Variants in NR2F1-AS1 observed in about 807,000 individuals in gnomAD.
NR2F1-AS1 encodes the protein NR2F1 antisense RNA 1.
At chr5:93,528,498 T>C (rs1751667866) in intron 4 of NR2F1-AS1, among the ~76,000 whole-genome samples, 1 of 152,196 alleles carries the variant, frequency 6.6e-6, no homozygotes, top group Non-Finnish European at 1.5e-5. Flanking sequence ...TGGTGATTCC[T>C]CAAGGATCTA....
chr5:93,419,528 C>A (rs754593607), intron 4 of NR2F1-AS1, among the ~76,000 whole-genome samples: 43 of 152,132 alleles, frequency 2.8e-4, no homozygotes, highest in Non-Finnish European at 5.7e-4. Context: ...CTGTGAATAA[C>A]CACTGCACTC....
chr5:93,457,160 CGGGTGTCGGGCT>C (rs1400545075), intron 4 of NR2F1-AS1, among the ~76,000 whole-genome samples: 1 of 152,134 alleles, frequency 6.6e-6, no homozygotes, highest in Non-Finnish European at 1.5e-5. Context: ...AGACCCTTTA[CGGGTGTCGGGCT>C]GGGGAACGGT....
intron 2 of NR2F1-AS1, among the ~76,000 whole-genome samples, chr5:93,555,367 T>C (rs1752331407): frequency 6.6e-6 from 1 of 152,146 alleles, no homozygotes; most frequent in South Asian, 2.1e-4. Flanking sequence ...GAGAGACAAG[T>C]ACAGAAAAAG....
At chr5:93,420,508 G>A (rs1010769209) in intron 4 of NR2F1-AS1, among the ~76,000 whole-genome samples, 1 of 152,146 alleles carries the variant, frequency 6.6e-6, no homozygotes, top group Non-Finnish European at 1.5e-5. Context: ...ATGGTGAAAA[G>A]GCAGAGACTG....
intron 4 of NR2F1-AS1, among the ~76,000 whole-genome samples, chr5:93,413,563 T>C (rs1748907124): frequency 1.3e-5 from 2 of 152,190 alleles, no homozygotes; most frequent in African/African-American, 4.8e-5. Context: ...CATCAGAGAC[T>C]GCATTAGGTT....
intron 4 of NR2F1-AS1, among the ~76,000 whole-genome samples, chr5:93,414,789 GT>G (rs60491763): frequency 0.014 from 2,181 of 152,042 alleles, 59 homozygotes; most frequent in African/African-American, 0.05. Flanking sequence ...TTTATATAAG[GT>G]TTTTTTGTAA....
At chr5:93,456,319 T>A (rs1359272268) in intron 4 of NR2F1-AS1, among the ~76,000 whole-genome samples, 1 of 152,172 alleles carries the variant, frequency 6.6e-6, no homozygotes, top group Non-Finnish European at 1.5e-5. Context: ...GAAATTATAA[T>A]TCAAAAGTCA....
At chr5:93,572,101 G>T (rs747551955) in intron 1 of NR2F1-AS1, among the ~76,000 whole-genome samples, 1 of 152,208 alleles carries the variant, frequency 6.6e-6, no homozygotes, top group Admixed American at 6.5e-5. Flanking sequence ...ATCCCAATAC[G>T]CCTGGCACTG....
intron 4 of NR2F1-AS1, among the ~76,000 whole-genome samples, chr5:93,532,509 G>A (rs1751756469): frequency 6.6e-6 from 1 of 152,112 alleles, no homozygotes; most frequent in African/African-American, 2.4e-5. Context: ...CCAAGACCTC[G>A]GTCTGAAAGG....
Position 93,579,299 on chromosome 5 carries a change from C to A in NR2F1-AS1, n.313+1168G>T, listed in dbSNP as rs938250937. On this transcript the variant is annotated intron_variant and non_coding_transcript_variant, in intron 1 of 5. Transcript: ENST00000660523. The surrounding 1 kb of genome is among the most constrained non-coding windows in gnomAD (Gnocchi z 5.1). ...CACCACCAACAGCTTCCCACTCCCA[C>A]CCCTGGGACTAGGACAGGGGACTTC... Among the ~76,000 whole-genome samples, 1 of 152,200 alleles carries A rather than the reference C, an allele frequency of 6.6e-6. No homozygotes were observed. Among genetic ancestry groups the A allele is most frequent in the Non-Finnish European group, 1.5e-5 (1 of 68,032 alleles).
At chr5:93,476,797 T>C (rs1237988815) in intron 4 of NR2F1-AS1, among the ~76,000 whole-genome samples, 1 of 152,094 alleles carries the variant, frequency 6.6e-6, no homozygotes, top group Non-Finnish European at 1.5e-5. Context: ...TCCTAACTCT[T>C]AGTTCATTAA....
intron 4 of NR2F1-AS1, among the ~76,000 whole-genome samples, chr5:93,531,589 C>A (rs921877224): frequency 5.1e-4 from 77 of 152,298 alleles, no homozygotes; most frequent in African/African-American, 1.8e-3. Context: ...GTTAAAGTGG[C>A]TAATGACTCA....
At chr5:93,477,502 A>T (rs992093334) in intron 4 of NR2F1-AS1, among the ~76,000 whole-genome samples, 2 of 152,218 alleles carry the variant, frequency 1.3e-5, no homozygotes, top group Admixed American at 1.3e-4. Flanking sequence ...GCAGTTTAGA[A>T]TTCAACATGA....
At chr5:93,562,377 G>C (rs1174938216) in intron 2 of NR2F1-AS1, among the ~76,000 whole-genome samples, 1 of 152,014 alleles carries the variant, frequency 6.6e-6, no homozygotes, top group East Asian at 1.9e-4. Context: ...CTGCAGCCTT[G>C]ACCTCCCCGG....
chr5:93,584,192 C>G (rs1753181287), upstream of NR2F1-AS1: 1 of 148,808 alleles, frequency 6.7e-6, no homozygotes, highest in African/African-American at 2.4e-5. Context: ...CCGGCCTCCG[C>G]TCGCGCTCCG....
At chr5:93,499,198 G>A (rs1440708776) in intron 4 of NR2F1-AS1, among the ~76,000 whole-genome samples, 2 of 152,136 alleles carry the variant, frequency 1.3e-5, no homozygotes, top group Non-Finnish European at 2.9e-5. Context: ...ATATGTGAAT[G>A]TGTGTGTGTT....
chr5:93,444,895 C>T (rs923312165), intron 4 of NR2F1-AS1, among the ~76,000 whole-genome samples: 3 of 152,208 alleles, frequency 2.0e-5, no homozygotes, highest in African/African-American at 4.8e-5. Context: ...GATTAAGAAA[C>T]TCACTCAAAA....
intron 4 of NR2F1-AS1, chr5:93,543,130 A>G (rs1751992713): frequency 6.6e-6 from 1 of 152,248 alleles, no homozygotes; most frequent in East Asian, 1.9e-4. Flanking sequence ...CGGCAAAAGC[A>G]AATGCAAATT....
At chr5:93,551,356 A>T (rs1752224211) in intron 4 of NR2F1-AS1, among the ~76,000 whole-genome samples, 1 of 152,166 alleles carries the variant, frequency 6.6e-6, no homozygotes, top group African/African-American at 2.4e-5. Context: ...GTAATTCCTC[A>T]GTTAAAACTA....
Sources: allele counts gnomAD v4.1 joint callset (sites outside exome capture counted in the v4.1 genomes callset), GRCh38; gene constraint gnomAD v4.1.1; non-coding constraint Gnocchi (gnomAD v3.1); transcripts MANE v1.5; gene names NCBI Gene and HGNC (gene_info 2026-07-23, HGNC 2026-07-21).